BCL6B: variants seen among roughly 807,000 people sequenced by gnomAD.
BCL6B encodes the protein BCL6B transcription repressor.
In BCL6B, 28 loss-of-function variants were observed where a neutral mutation model predicts 44.6. The ratio of observed to expected loss-of-function variants is 0.63; its 90% CI spans 0.47 to 0.86. BCL6B has a LOEUF of 0.86. Ranked by LOEUF, BCL6B falls within the 40% of genes least tolerant of loss-of-function variation. The pLI is 0.00. For missense variants in BCL6B, 626 were observed against 652.3 expected (o/e 0.96, Z 0.44); for synonymous variants, 268 against 263.6 (o/e 1.02, Z -0.16).
In BCL6B at chr17:7,027,590, G is replaced by A. The variant is rs866504329; in HGVS notation, c.1411G>A (p.Val471Met). ...QKHGAATNTKVHYHILGGP is the reference protein window; with the variant it reads ...QKHGAATNTKMHYHILGGP ...ACACGGAGCTGCTACCAACACCAAAGTGCACTACCACATTCTCGGGGGGCC... is the reference window on the plus strand; with the variant it reads ...ACACGGAGCTGCTACCAACACCAAAATGCACTACCACATTCTCGGGGGGCC... Residue 471 changes from valine (V) to methionine (M), a missense_variant, in exon 9 of 9, where the codon GTG becomes ATG. Physicochemically the swap from Val to Met is conservative, Grantham distance 21. Transcript: ENST00000293805. 8.1e-6 allele frequency: 13 copies of A among 1,613,620 alleles called. No individual in the cohort carries two copies. In the African/African-American group the frequency reaches 1.5e-4, roughly 18 times the overall value.
In BCL6B at chr17:7,026,966, C is replaced by T. The variant is rs1364918355; in HGVS notation, c.1202C>T (p.Ala401Val). The T allele has an allele frequency of 2.7e-5, 43 of 1,612,708 alleles. No individual in the cohort carries two copies. Among genetic ancestry groups the T allele is most frequent in the Admixed American group, 3.3e-5 (2 of 60,002 alleles). Reference sequence around the variant, plus strand: ...CCCTCCCAGGTGGCACATCTGCGGGCGCACGTGCTGATCCACACCGGGGAG... The same window carrying T: ...CCCTCCCAGGTGGCACATCTGCGGGTGCACGTGCTGATCCACACCGGGGAG... ...SRFVQVAHLR[A>V]HVLIHTGEKP... The change falls in exon 8 of 9, where the codon GCG becomes GTG. Residue 401 changes from alanine (A) to valine (V), a missense_variant. Transcript: ENST00000293805.
rs1211617898 is a variant in BCL6B at position 7,027,489 on chromosome 17, C to G, written c.1324-14C>G. The G allele has an allele frequency of 6.2e-7, 1 of 1,613,636 alleles. No homozygotes were observed. Among genetic ancestry groups the G allele is most frequent in the South Asian group, 1.1e-5 (1 of 91,084 alleles). On this transcript the variant is annotated splice_polypyrimidine_tract_variant and intron_variant, in intron 8 of 8. Coordinates refer to ENST00000293805, the MANE Select transcript of BCL6B (RefSeq NM_181844.4). ...GTGGATGGGGCAGGGCCTGACTTGG[C>G]TGTCCTCCCACAGTGCGACCCCTGT... is the stretch of plus-strand genomic sequence containing the variant.
chr17:7,025,427 A>T (rs9905693), intron 5 of BCL6B, among the ~76,000 whole-genome samples: 1 of 152,180 alleles, frequency 6.6e-6, no homozygotes, highest in Non-Finnish European at 1.5e-5. Context: ...AGTGCTTCCA[A>T]TGAGCAGCAA....
In BCL6B at chr17:7,024,156, G is replaced by A. The variant is rs1910213392; in HGVS notation, c.253G>A (p.Glu85Lys). The A allele has an allele frequency of 7.4e-6, 12 of 1,613,966 alleles. No individual in the cohort carries two copies. The highest frequency in any genetic ancestry group is 1.1e-5 in the South Asian group (1 of 91,082). ...CGTGCTCTCTCTGCCCGGGGGTCCC[G>A]AAGCGAGAGGCTTCGCCCCTCTATT... ...VDVLSLPGGP[E>K]ARGFAPLLDF... The change falls in exon 3 of 9, where the codon GAA (glutamate) becomes AAA (lysine). Residue 85 changes from glutamate to lysine, a missense_variant. By Grantham distance (56) the Glu-to-Lys change is moderately conservative. Coordinates refer to ENST00000293805, the MANE Select transcript of BCL6B (RefSeq NM_181844.4). This position sits in a 1 kb window ranked among gnomAD's most constrained non-coding sequence, Gnocchi z 6.6.
chr17:7,028,145 T>G lies in BCL6B; in HGVS notation c.*526T>G, dbSNP rs1910352646. 1.0e-6 allele frequency: 1 copy of G among 986,336 alleles called. No individual in the cohort carries two copies. Among genetic ancestry groups the G allele is most frequent in the African/African-American group, 1.7e-5 (1 of 57,226 alleles). 61.1% of individuals were successfully genotyped at this position (986,336 alleles called of 1,614,324 possible). On this transcript the variant is annotated 3_prime_UTR_variant, in exon 9 of 9. Coordinates refer to ENST00000293805, the MANE Select transcript of BCL6B (RefSeq NM_181844.4). ...ATTTTATATTATTTCTGTCATAACT[T>G]TTATCTTTAGAATTGTTCTTTCTCC...
intron 4 of BCL6B, 75 bp from the exon 5 acceptor site, chr17:7,025,001 C>T (rs1190569862): frequency 6.4e-7 from 1 of 1,563,032 alleles, no homozygotes; most frequent in Non-Finnish European, 8.7e-7. Flanking sequence ...GCCTTTGGCT[C>T]CAAATTTCCC....
rs1379824274 is a variant in BCL6B at position 7,023,855 on chromosome 17, GAGGGGTGGGGCC to G, written c.179+6_179+17del. Reference sequence around the variant, plus strand: ...GGCAGTTCTCATCGCCTGCAGGTTCGAGGGGTGGGGCCTGGGGCGGGGCCAAATGGGAAAGGG... The same window carrying G: ...GGCAGTTCTCATCGCCTGCAGGTTCGTGGGGCGGGGCCAAATGGGAAAGGG... On this transcript the variant is annotated splice_donor_region_variant and intron_variant, in intron 2 of 8. Coordinates refer to ENST00000293805, the MANE Select transcript of BCL6B (RefSeq NM_181844.4). The G allele has an allele frequency of 3.7e-5, 59 of 1,611,458 alleles. No individual in the cohort carries two copies. Among genetic ancestry groups the G allele is most frequent in the Non-Finnish European group, 4.9e-5 (58 of 1,178,844 alleles).
In BCL6B at chr17:7,025,848, A is replaced by G. The variant is rs1253818805; in HGVS notation, c.890-609A>G. Among the ~76,000 whole-genome samples the G allele has an allele frequency of 2.6e-5, 4 of 151,600 alleles. No individual in the cohort carries two copies. In the East Asian group the frequency reaches 7.7e-4, roughly 29 times the overall value. On this transcript the variant is annotated intron_variant, in intron 5 of 8. Transcript: ENST00000293805. ...CAAGACTCTGTCTCAAAAAAAAAAA[A>G]AAAAAAAAAAACAGGAGGAGAAACA...
At position 7,024,811 on chromosome 17, in the gene BCL6B, G is replaced by A; in HGVS notation, c.764+48G>A. On this transcript the variant is annotated intron_variant, in intron 4 of 8. Coordinates refer to ENST00000293805, the MANE Select transcript of BCL6B (RefSeq NM_181844.4). This position sits in a 1 kb window ranked among gnomAD's most constrained non-coding sequence, Gnocchi z 6.6. ...AATTTGTCAGAGCTGGCCTCAGCTAGAAGACAGAGTCATTGGGCCTTGATG... is the reference window on the plus strand; with the variant it reads ...AATTTGTCAGAGCTGGCCTCAGCTAAAAGACAGAGTCATTGGGCCTTGATG... 6.5e-7 allele frequency: 1 copy of A among 1,545,786 alleles called. No homozygotes were observed. Among genetic ancestry groups the A allele is most frequent in the Non-Finnish European group, 8.7e-7 (1 of 1,146,334 alleles).
chr17:7,024,544 C>T lies in BCL6B; in HGVS notation c.545C>T (p.Pro182Leu). Residue 182 changes from proline to leucine, a missense_variant, in exon 4 of 9, where the codon CCC becomes CTC. By Grantham distance (98) the Pro-to-Leu change is moderately conservative. Transcript: ENST00000293805. The surrounding 1 kb of genome is among the most constrained non-coding windows in gnomAD (Gnocchi z 6.6). ...TESRSCSQGP[P>L]SPASPDPKAC... ...TCTCGAAGCTGCAGTCAAGGCCCCC[C>T]CAGTCCAGCCAGCCCTGACCCCAAG... is the stretch of plus-strand genomic sequence containing the variant. 2 of 1,614,060 alleles carry T rather than the reference C, an allele frequency of 1.2e-6. No homozygotes were observed. The highest frequency in any genetic ancestry group is 8.5e-7 in the Non-Finnish European group (1 of 1,180,016).
chr17:7,023,691 C>G lies in BCL6B; in HGVS notation c.20C>G (p.Pro7Arg), dbSNP rs762380355. 4 of 1,612,782 alleles carry G rather than the reference C, an allele frequency of 2.5e-6. No individual in the cohort carries two copies. Among genetic ancestry groups the G allele is most frequent in the South Asian group, 2.2e-5 (2 of 91,044 alleles). ...GTCGCTATGGGTTCCCCCGCCGCCC[C>G]GGAGGGAGCGCTGGGCTACGTCCGC... MGSPAA[P>R]EGALGYVREF... The change falls in exon 2 of 9, where the codon CCG (proline) becomes CGG (arginine). Residue 7 changes from proline (P) to arginine (R), a missense_variant. By Grantham distance (103) the Pro-to-Arg change is moderately radical. Coordinates refer to ENST00000293805, the MANE Select transcript of BCL6B (RefSeq NM_181844.4).
rs1910219467 is a variant in BCL6B, at chr17:7,024,269, C to T, written c.366C>T (p.His122=). The T allele has an allele frequency of 1.9e-6, 3 of 1,613,520 alleles. No individual in the cohort carries two copies. Among genetic ancestry groups the T allele is most frequent in the South Asian group, 2.2e-5 (2 of 91,086 alleles). The change falls in exon 3 of 9, where the codon CAC becomes CAT. Residue 122 remains histidine, a synonymous_variant. Transcript: ENST00000293805. This position sits in a 1 kb window ranked among gnomAD's most constrained non-coding sequence, Gnocchi z 6.6. The part of the protein sequence containing the change: ...LAAATYLQME[H]VVQACHRFIQ... ...CCGCCACCTATTTGCAGATGGAGCA[C>T]GTGGTCCAGGCATGCCACCGCTTCA...
Position 7,029,348 on chromosome 17 carries a change from C to T in BCL6B, c.*1729C>T, listed in dbSNP as rs1016599184. 10 of 991,700 alleles carry T rather than the reference C, an allele frequency of 1.0e-5. No individual in the cohort carries two copies. The highest frequency in any genetic ancestry group is 8.9e-5 in the South Asian group (2 of 22,536). The allele number at this position is 991,700 out of a possible 1,614,324, so 61.4% of individuals were successfully genotyped here. ...CCCTGGGGCTTATCTGATTATGGGA[C>T]GAGGGTAGAAAGTAAGAAGCACTTT... On this transcript the variant is annotated 3_prime_UTR_variant, in exon 9 of 9. Coordinates refer to ENST00000293805, the MANE Select transcript of BCL6B (RefSeq NM_181844.4).
rs1207178762 is a variant in BCL6B, at chr17:7,024,938, TACAATGGATGTGGCTCATTGGTCA to T, written c.765-132_765-109del. On this transcript the variant is annotated intron_variant, in intron 4 of 8. Coordinates refer to ENST00000293805, the MANE Select transcript of BCL6B (RefSeq NM_181844.4). The surrounding 1 kb of genome is among the most constrained non-coding windows in gnomAD (Gnocchi z 6.6). ...ATTCAGCAGGGTGGCACTTGGGCAG[TACAATGGATGTGGCTCATTGGTCA>T]ACAATATTGGCTCACCCTGAGAGGG... is the stretch of plus-strand genomic sequence containing the variant. 6 of 1,486,858 alleles carry T rather than the reference TACAATGGATGTGGCTCATTGGTCA, an allele frequency of 4.0e-6. No individual in the cohort carries two copies. The highest frequency in any genetic ancestry group is 4.5e-6 in the Non-Finnish European group (5 of 1,113,188). 92.1% of individuals were successfully genotyped at this position (1,486,858 alleles called of 1,614,324 possible).
chr17:7,024,758 G>A lies in BCL6B; in HGVS notation c.759G>A (p.Gln253=). 6.2e-7 allele frequency: 1 copy of A among 1,609,392 alleles called. No individual in the cohort carries two copies. The highest frequency in any genetic ancestry group is 8.5e-7 in the Non-Finnish European group (1 of 1,178,122). Residue 253 remains glutamine (Q), a synonymous_variant, in exon 4 of 9, where the codon CAG becomes CAA. Coordinates refer to ENST00000293805, the MANE Select transcript of BCL6B (RefSeq NM_181844.4). The surrounding 1 kb of genome is among the most constrained non-coding windows in gnomAD (Gnocchi z 6.6). The part of the protein sequence containing the change: ...SSEEGPIPGP[Q]SRLSPTAATV... ...AAGAAGGACCCATTCCTGGTCCCCAGAGCAGGTACAGAGTCTAGAACCTCA... is the reference window on the plus strand; with the variant it reads ...AAGAAGGACCCATTCCTGGTCCCCAAAGCAGGTACAGAGTCTAGAACCTCA...
rs765510925 is a variant in BCL6B at position 7,024,734 on chromosome 17, A to G, written c.735A>G (p.Glu245=). The part of the protein sequence containing the change: ...SSSSSSSSSS[E]EGPIPGPQSR... ...GCAGCAGCAGCAGCAGCAGCAGTGA[A>G]GAAGGACCCATTCCTGGTCCCCAGA... Residue 245 remains glutamate, a synonymous_variant, in exon 4 of 9, where the codon GAA becomes GAG. Transcript: ENST00000293805. This position sits in a 1 kb window ranked among gnomAD's most constrained non-coding sequence, Gnocchi z 6.6. 4.5e-6 allele frequency: 7 copies of G among 1,546,690 alleles called. No individual in the cohort carries two copies. Among genetic ancestry groups the G allele is most frequent in the African/African-American group, 2.8e-5 (2 of 70,242 alleles).
chr17:7,029,263 G>A lies in BCL6B; in HGVS notation c.*1644G>A. The A allele has an allele frequency of 1.0e-6, 1 of 986,706 alleles. No individual in the cohort carries two copies. 61.1% of individuals were successfully genotyped at this position (986,706 alleles called of 1,614,324 possible). A position where few individuals can be genotyped will look rare whatever the true frequency, so the allele number is the denominator to read the frequency against. On this transcript the variant is annotated 3_prime_UTR_variant, in exon 9 of 9. Transcript: ENST00000293805. ...AACAGGGTTGCCTCTTGGCTGGGTG[G>A]AGTCTCTGAAATGTTAGAAGAAGCG...
At position 7,027,691 on chromosome 17, in the gene BCL6B, T is replaced by C; in HGVS notation, c.*72T>C. On this transcript the variant is annotated 3_prime_UTR_variant, in exon 9 of 9. Transcript: ENST00000293805. ...TGCAGGCCCAGGCCTTGCTTCCCTATCAGGCTTGGGCATAGGGGTGTGCCA... is the reference window on the plus strand; with the variant it reads ...TGCAGGCCCAGGCCTTGCTTCCCTACCAGGCTTGGGCATAGGGGTGTGCCA... 1 of 1,600,032 alleles carries C rather than the reference T, an allele frequency of 6.2e-7. No homozygotes were observed. Among genetic ancestry groups the C allele is most frequent in the Non-Finnish European group, 8.5e-7 (1 of 1,176,270 alleles).
chr17:7,024,649 G>A lies in BCL6B; in HGVS notation c.650G>A (p.Ser217Asn). Residue 217 changes from serine (S) to asparagine (N), a missense_variant, in exon 4 of 9, where the codon AGT becomes AAT. By Grantham distance (46) the Ser-to-Asn change is conservative. Coordinates refer to ENST00000293805, the MANE Select transcript of BCL6B (RefSeq NM_181844.4). The surrounding 1 kb of genome is among the most constrained non-coding windows in gnomAD (Gnocchi z 6.6). Reference protein sequence around the residue: ...SQAGSLVGERSSGQPCPQARL... With the variant: ...SQAGSLVGERNSGQPCPQARL... Reference sequence around the variant, plus strand: ...GCAGGGAGCCTGGTCGGGGAGAGAAGTTCTGGTCAACCTTGCCCCCAAGCC... The same window carrying A: ...GCAGGGAGCCTGGTCGGGGAGAGAAATTCTGGTCAACCTTGCCCCCAAGCC... The A allele has an allele frequency of 6.2e-7, 1 of 1,614,140 alleles. No homozygotes were observed. The highest frequency in any genetic ancestry group is 2.2e-5 in the East Asian group (1 of 44,876).
Sources: gnomAD v4.1 joint callset for allele counts (sites outside exome capture counted in the v4.1 genomes callset) on GRCh38, gnomAD v4.1.1 for gene constraint, Gnocchi (gnomAD v3.1) non-coding constraint, MANE v1.5 for transcripts, NCBI Gene and HGNC (gene_info 2026-07-23, HGNC 2026-07-21) for gene names.